The following ATP6V0A4 variants were observed in gnomAD, a reference collection of about 807,000 sequenced individuals.
ATP6V0A4 encodes the protein V-type proton ATPase 116 kDa subunit a 4.
ATP6V0A4 carries 86 observed loss-of-function variants against 107.3 expected under a neutral mutation model. The observed-to-expected ratio is 0.80, with a 90% CI of 0.67 to 0.96. The LOEUF (loss-of-function observed/expected upper bound fraction) is 0.96. ATP6V0A4 is among the 40% of genes least tolerant of loss of function. ATP6V0A4 has a pLI of 0.00. For missense variants in ATP6V0A4, 908 were observed against 1,045.6 expected (o/e 0.87, Z 1.81); for synonymous variants, 353 against 381.4 (o/e 0.93, Z 0.87).
chr7:138,797,097 T>C (rs1174584934), intron 1 of ATP6V0A4, among the ~76,000 whole-genome samples: 2 of 151,968 alleles, frequency 1.3e-5, no homozygotes, highest in African/African-American at 2.4e-5. Context: ...CTCTGACACT[T>C]CCTTACCTCT....
chr7:138,741,030 G>A (rs1584915712), intron 14 of ATP6V0A4, among the ~76,000 whole-genome samples: 1 of 152,132 alleles, frequency 6.6e-6, no homozygotes, highest in South Asian at 2.1e-4. Context: ...TGTAATCCCA[G>A]CTACTCAGGA....
rs1562980961 is a variant in ATP6V0A4, at chr7:138,718,584, C to CATGGGGAGGAATGGGGA, written c.2140-2704_2140-2703insTCCCCATTCCTCCCCAT. 3.2e-4 allele frequency among the ~76,000 whole-genome samples: 19 copies of CATGGGGAGGAATGGGGA among 59,372 alleles called. 1 individual carries two copies. The highest frequency in any genetic ancestry group is 4.2e-4 in the Non-Finnish European group (14 of 33,102). 39.0% of individuals were successfully genotyped at this position (59,372 alleles called of 152,430 possible). A position where few individuals can be genotyped will look rare whatever the true frequency, so the allele number is the denominator to read the frequency against. On this transcript the variant is annotated intron_variant, in intron 19 of 21. Coordinates refer to ENST00000310018, the MANE Select transcript of ATP6V0A4 (RefSeq NM_020632.3). ...GGGAGACATCCGGAGAGGCATGGGGCGGAATGGGGAGGAATGGGGAGGAAT... is the reference window on the plus strand; with the variant it reads ...GGGAGACATCCGGAGAGGCATGGGGCATGGGGAGGAATGGGGAGGAATGGGGAGGAATGGGGAGGAAT...
chr7:138,773,321 A>G lies in ATP6V0A4; in HGVS notation c.-17-2057T>C, dbSNP rs550804399. On this transcript the variant is annotated intron_variant, in intron 2 of 21. Coordinates refer to ENST00000310018, the MANE Select transcript of ATP6V0A4 (RefSeq NM_020632.3). The surrounding 1 kb of genome is among the most constrained non-coding windows in gnomAD (Gnocchi z 5.4). ...GCTTTCCCCTGGGTTTGGAAACTCA[A>G]TATCCTCCTCTCCACCGTCCATCCC... is the stretch of plus-strand genomic sequence containing the variant. Among the ~76,000 whole-genome samples the G allele has an allele frequency of 6.6e-6, 1 of 151,966 alleles. No homozygotes were observed. Among genetic ancestry groups the G allele is most frequent in the Admixed American group, 6.6e-5 (1 of 15,248 alleles).
rs568958560 is a variant in ATP6V0A4, at chr7:138,714,264, G to A, written c.2257+1500C>T. Among the ~76,000 whole-genome samples, 21 of 150,816 alleles carry A rather than the reference G, an allele frequency of 1.4e-4. No homozygotes were observed. In the South Asian group the frequency reaches 4.4e-3, roughly 32 times the overall value. On this transcript the variant is annotated intron_variant, in intron 20 of 21. Coordinates refer to ENST00000310018, the MANE Select transcript of ATP6V0A4 (RefSeq NM_020632.3). The stretch of plus-strand genomic sequence containing the variant: ...AAAAAAAAAAAAAACGCTCCTCAGG[G>A]CCACTGCATATGAAACGGATGGGTC...
At chr7:138,790,474 T>G (rs1808361206) in intron 1 of ATP6V0A4, among the ~76,000 whole-genome samples, 1 of 152,152 alleles carries the variant, frequency 6.6e-6, no homozygotes, top group Non-Finnish European at 1.5e-5. Flanking sequence ...TTTGTATTTT[T>G]AGTAGAGATG....
At chr7:138,771,451 G>A (rs1267350432) in intron 2 of ATP6V0A4, 187 bp from the exon 3 acceptor site, 3 of 234,376 alleles carry the variant, frequency 1.3e-5, no homozygotes, top group Admixed American at 7.3e-5. Flanking sequence ...GCCTGGGCTC[G>A]AATGCAGTGG....
intron 2 of ATP6V0A4, among the ~76,000 whole-genome samples, chr7:138,774,886 T>C (rs941659913): frequency 1.3e-5 from 2 of 152,080 alleles, no homozygotes; most frequent in Non-Finnish European, 2.9e-5. Flanking sequence ...GTGGCCCAGG[T>C]AAAAAGAGAC....
intron 8 of ATP6V0A4, among the ~76,000 whole-genome samples, chr7:138,757,457 A>C (rs1425729574): frequency 6.6e-6 from 1 of 152,132 alleles, no homozygotes; most frequent in Non-Finnish European, 1.5e-5. Context: ...TCGAGGCTGC[A>C]GTGAGTCATG....
At chr7:138,775,682 G>A (rs1454381146) in intron 2 of ATP6V0A4, among the ~76,000 whole-genome samples, 5 of 130,492 alleles carry the variant, frequency 3.8e-5, no homozygotes, top group Non-Finnish European at 4.6e-5. Context: ...ACAGTCTCTC[G>A]CTCTGTCGCC....
At chr7:138,797,768 T>A (rs1170813174) in intron 1 of ATP6V0A4, among the ~76,000 whole-genome samples, 1 of 152,086 alleles carries the variant, frequency 6.6e-6, no homozygotes, top group Non-Finnish European at 1.5e-5. Context: ...CAAACTCATG[T>A]CCCAGGAACC....
Position 138,706,550 on chromosome 7 carries a change from G to T in ATP6V0A4, c.*74C>A. On this transcript the variant is annotated 3_prime_UTR_variant, in exon 22 of 22. Coordinates refer to ENST00000310018, the MANE Select transcript of ATP6V0A4 (RefSeq NM_020632.3). ...CAACCTTCCCATTGAGCGCCTTGCA[G>T]GGGCTGATATCAAAGACAAGACTGA... 3 of 1,561,700 alleles carry T rather than the reference G, an allele frequency of 1.9e-6. No homozygotes were observed. The highest frequency in any genetic ancestry group is 1.7e-4 in the Middle Eastern group (1 of 5,918).
intron 7 of ATP6V0A4, 170 bp from the exon 8 acceptor site, chr7:138,760,048 A>G: frequency 1.5e-6 from 1 of 659,992 alleles, no homozygotes; most frequent in Non-Finnish European, 1.9e-6. Flanking sequence ...CCCCGCATCC[A>G]GCCCTGACTT....
intron 19 of ATP6V0A4, among the ~76,000 whole-genome samples, chr7:138,717,909 GAAAAAAAAA>G (rs55813379): frequency 1.4e-5 from 1 of 70,934 alleles, no homozygotes; most frequent in African/African-American, 5.4e-5. Flanking sequence ...CTCTGTCTCG[GAAAAAAAAA>G]AAAAAAAAAA....
chr7:138,774,935 G>T (rs1807590117), intron 2 of ATP6V0A4, among the ~76,000 whole-genome samples: 1 of 152,012 alleles, frequency 6.6e-6, no homozygotes, highest in Admixed American at 6.6e-5. Flanking sequence ...CTTTGGAGGG[G>T]TCTTGTCTTT....
chr7:138,784,232 ATACG>A lies in ATP6V0A4; in HGVS notation c.-18+1922_-18+1925del, dbSNP rs1464764038. Among the ~76,000 whole-genome samples, 151 of 46,770 alleles carry A rather than the reference ATACG, an allele frequency of 3.2e-3. 3 individuals carry two copies. Among genetic ancestry groups the A allele is most frequent in the African/African-American group, 0.017 (117 of 7,038 alleles). The allele number at this position is 46,770 out of a possible 152,430, so 30.7% of individuals were successfully genotyped here. On this transcript the variant is annotated intron_variant, in intron 2 of 21. Coordinates refer to ENST00000310018, the MANE Select transcript of ATP6V0A4 (RefSeq NM_020632.3). ...TTAAACATTATATATATATATATAT[ATACG>A]TATATATATATATATACATATATAT...
Position 138,762,426 on chromosome 7 carries a change from G to C in ATP6V0A4, c.426C>G (p.Thr142=). Residue 142 remains threonine, a synonymous_variant, in exon 7 of 22, where the codon ACC becomes ACG. Coordinates refer to ENST00000310018, the MANE Select transcript of ATP6V0A4 (RefSeq NM_020632.3). ...KKTQDFFETE[T]NLADDFFTED... ...CAGTAAAGAAATCATCAGCTAAATTGGTTTCCGTCTGAAAGTCAAAGCACT... is the reference window on the plus strand; with the variant it reads ...CAGTAAAGAAATCATCAGCTAAATTCGTTTCCGTCTGAAAGTCAAAGCACT... The C allele has an allele frequency of 6.2e-7, 1 of 1,613,998 alleles. No homozygotes were observed. The highest frequency in any genetic ancestry group is 8.5e-7 in the Non-Finnish European group (1 of 1,179,964).
At chr7:138,731,136 T>C (rs906471000) in intron 17 of ATP6V0A4, among the ~76,000 whole-genome samples, 1 of 152,196 alleles carries the variant, frequency 6.6e-6, no homozygotes, top group African/African-American at 2.4e-5. Flanking sequence ...TGTTTCACCA[T>C]GTTGGGCAGG....
intron 10 of ATP6V0A4, among the ~76,000 whole-genome samples, chr7:138,753,861 C>T (rs901052004): frequency 5.3e-5 from 8 of 152,138 alleles, no homozygotes; most frequent in African/African-American, 1.4e-4. Flanking sequence ...AAGAGCATAG[C>T]CCGAATTATA....
intron 12 of ATP6V0A4, among the ~76,000 whole-genome samples, chr7:138,748,509 C>T (rs983701267): frequency 4.6e-5 from 7 of 152,240 alleles, no homozygotes; most frequent in Admixed American, 2.6e-4. Context: ...TGGATTCAAG[C>T]GATTCTCCTG....
Sources: gnomAD v4.1 joint callset for allele counts (sites outside exome capture counted in the v4.1 genomes callset) on GRCh38, gnomAD v4.1.1 for gene constraint, Gnocchi (gnomAD v3.1) non-coding constraint, MANE v1.5 for transcripts, NCBI Gene and HGNC (gene_info 2026-07-23, HGNC 2026-07-21) for gene names.